The following GEN1 variants were observed in gnomAD, a reference collection of about 807,000 sequenced individuals.
GEN1 encodes the protein flap endonuclease GEN homolog 1.
Under a neutral mutation model 67.6 loss-of-function variants are expected in GEN1, and 64 were observed. The observed-to-expected ratio is 0.95, with a 90% CI of 0.77 to 1.17. GEN1 has a LOEUF of 1.17. GEN1 is among the 50% of genes most tolerant of loss of function. The probability of loss-of-function intolerance (pLI) is 0.00; values close to 1 mark genes in which losing one functional copy is unlikely to be tolerated. For missense variants in GEN1, 1,058 were observed against 1,048.3 expected (o/e 1.01, Z -0.13); for synonymous variants, 371 against 359.4 (o/e 1.03, Z -0.37).
chr2:17,777,202 A>T (rs1672472390), intron 11 of GEN1, among the ~76,000 whole-genome samples: 1 of 152,208 alleles, frequency 6.6e-6, no homozygotes, highest in African/African-American at 2.4e-5. Context: ...CAGAGGGAAG[A>T]TGTGAATTAC....
intron 13 of GEN1, 66 bp downstream of exon 13, chr2:17,780,187 TTTG>T: frequency 4.0e-6 from 5 of 1,258,704 alleles, no homozygotes; most frequent in African/African-American, 1.5e-5. Flanking sequence ...ACCTCTTCTG[TTTG>T]AATCTGCTGT....
In GEN1 at chr2:17,786,467, C is replaced by T. The variant is rs1232396984; in HGVS notation, c.*4528C>T. 1 of 152,172 alleles carries T rather than the reference C, an allele frequency of 6.6e-6. No individual in the cohort carries two copies. Among genetic ancestry groups the T allele is most frequent in the Non-Finnish European group, 1.5e-5 (1 of 68,042 alleles). The allele number at this position is 152,172 out of a possible 1,614,324, so 9.4% of individuals were successfully genotyped here. A position where few individuals can be genotyped will look rare whatever the true frequency, so the allele number is the denominator to read the frequency against. On this transcript the variant is annotated 3_prime_UTR_variant, in exon 14 of 14. Transcript: ENST00000381254. ...ATATAATGTGGTAACTAATATTCAT[C>T]TAATCACCTACCACATTTTTGGAGC... is the stretch of plus-strand genomic sequence containing the variant.
rs74754657 is a variant in GEN1 at position 17,757,246 on chromosome 2, CTT to C, written c.-15-2667_-15-2666del. ...TTCCAATAATCGAATCAGTGCTGGA[CTT>C]TTTTTTTTTTTTTTTAGGCATGGCT... On this transcript the variant is annotated intron_variant, in intron 1 of 13. Transcript: ENST00000381254. Among the ~76,000 whole-genome samples the C allele has an allele frequency of 5.0e-3, 641 of 127,666 alleles. 4 individuals are homozygous for C. The highest frequency in any genetic ancestry group is 0.016 in the African/African-American group (576 of 35,684). The allele number at this position is 127,666 out of a possible 152,430, so 83.8% of individuals were successfully genotyped here.
intron 11 of GEN1, among the ~76,000 whole-genome samples, chr2:17,777,066 C>G (rs1224675867): frequency 6.6e-6 from 1 of 152,010 alleles, no homozygotes; most frequent in African/African-American, 2.4e-5. Context: ...GCAGAGGTTA[C>G]AGTGAGCTGA....
At chr2:17,754,636 A>G (rs1671314315) in intron 1 of GEN1, 1 of 152,216 alleles carries the variant, frequency 6.6e-6, no homozygotes, top group Non-Finnish European at 1.5e-5. Flanking sequence ...CGGGCATGCG[A>G]TGGGGATAAT....
intron 12 of GEN1, 152 bp from the exon 13 acceptor site, chr2:17,779,826 T>TG (rs1378919405): frequency 1.9e-6 from 1 of 512,994 alleles, no homozygotes; most frequent in Admixed American, 3.6e-5. Flanking sequence ...GGTCTGGTGT[T>TG]GGTCAGGCTG....
At chr2:17,765,111 G>C in intron 4 of GEN1, 38 bp downstream of exon 4, 7 of 1,590,230 alleles carry the variant, frequency 4.4e-6, no homozygotes, top group Non-Finnish European at 6.0e-6. Context: ...ATTTGTTTAC[G>C]AACTACCTTT....
chr2:17,762,338 A>G (rs1671725095), intron 3 of GEN1, among the ~76,000 whole-genome samples: 1 of 150,748 alleles, frequency 6.6e-6, no homozygotes, highest in Non-Finnish European at 1.5e-5. Context: ...AGTAGCTGGG[A>G]CTACAGGCGC....
Position 17,786,211 on chromosome 2 carries a change from A to T in GEN1, c.*4272A>T, listed in dbSNP as rs1038090867. 1 of 152,224 alleles carries T rather than the reference A, an allele frequency of 6.6e-6. No individual in the cohort carries two copies. The highest frequency in any genetic ancestry group is 1.5e-5 in the Non-Finnish European group (1 of 68,038). The allele number at this position is 152,224 out of a possible 1,614,324, so 9.4% of individuals were successfully genotyped here. On this transcript the variant is annotated 3_prime_UTR_variant, in exon 14 of 14. Coordinates refer to ENST00000381254, the MANE Select transcript of GEN1 (RefSeq NM_001130009.3). ...TTGACACATTCTAGGGACTCAGTAA[A>T]TTGTAGCTGTGTCCGATACCATCAT...
At chr2:17,758,944 A>G (rs1250914416) in intron 1 of GEN1, among the ~76,000 whole-genome samples, 1 of 152,316 alleles carries the variant, frequency 6.6e-6, no homozygotes, top group East Asian at 1.9e-4. Context: ...CACAGACAGC[A>G]ACGCTTCCAG....
In GEN1 at chr2:17,778,069, T is replaced by C. The variant is rs923324567; in HGVS notation, c.1264+6T>C. 5.1e-6 allele frequency: 8 copies of C among 1,560,078 alleles called. No homozygotes were observed. Among genetic ancestry groups the C allele is most frequent in the Non-Finnish European group, 6.2e-6 (7 of 1,133,600 alleles). On this transcript the variant is annotated splice_donor_region_variant and intron_variant, in intron 12 of 13. Coordinates refer to ENST00000381254, the MANE Select transcript of GEN1 (RefSeq NM_001130009.3). ...AATAGAATGGGAAAAGCCTGGTATG[T>C]ATTCACTTTAAGCAAAATATTCCAT...
chr2:17,785,920 A>G lies in GEN1; in HGVS notation c.*3981A>G, dbSNP rs1673042203. ...AAATTAAAATTTAAATTAAAAAAAA[A>G]TATACAATCTCCGTCTTCTAGATTT... is the stretch of plus-strand genomic sequence containing the variant. On this transcript the variant is annotated 3_prime_UTR_variant, in exon 14 of 14. Transcript: ENST00000381254. The G allele has an allele frequency of 6.6e-6, 1 of 152,148 alleles. No individual in the cohort carries two copies. The highest frequency in any genetic ancestry group is 1.5e-5 in the Non-Finnish European group (1 of 68,030). The allele number at this position is 152,148 out of a possible 1,614,324, so 9.4% of individuals were successfully genotyped here. A position where few individuals can be genotyped will look rare whatever the true frequency, so the allele number is the denominator to read the frequency against.
At position 17,771,274 on chromosome 2, in the gene GEN1, A is replaced by G. The variant is rs2125143289; in HGVS notation, c.789A>G (p.Val263=). The change falls in exon 7 of 14, where the codon GTA becomes GTG. Residue 263 remains valine (V), a synonymous_variant. Transcript: ENST00000381254. ...CTAAAAAACTGGCTCATTGTTCCGT[A>G]TGTTCCCATCCAGGTAAGGAGACAT... ...LVTKKLAHCS[V]CSHPGSPKDH... 3 of 1,598,866 alleles carry G rather than the reference A, an allele frequency of 1.9e-6. No homozygotes were observed. The highest frequency in any genetic ancestry group is 2.6e-6 in the Non-Finnish European group (3 of 1,166,508).
rs763133996 is a variant in GEN1, at chr2:17,760,046, G to T, written c.103G>T (p.Val35Leu). 1.2e-6 allele frequency: 2 copies of T among 1,614,080 alleles called. No homozygotes were observed. The highest frequency in any genetic ancestry group is 8.5e-7 in the Non-Finnish European group (1 of 1,179,996). ...CATTGCAGTTGATCTGAGTCTCTGG[G>T]TGTGTGAGGCACAGACAGTCAAAAA... ...KTIAVDLSLWVCEAQTVKKMM... is the reference protein window; with the variant it reads ...KTIAVDLSLWLCEAQTVKKMM... Residue 35 changes from valine (V) to leucine (L), a missense_variant, in exon 2 of 14, where the codon GTG becomes TTG. Physicochemically the swap from Val to Leu is conservative, Grantham distance 32. Transcript: ENST00000381254.
intron 1 of GEN1, among the ~76,000 whole-genome samples, chr2:17,758,881 T>C (rs1305512743): frequency 1.3e-5 from 2 of 151,912 alleles, no homozygotes; most frequent in Non-Finnish European, 2.9e-5. Context: ...GAATAATACT[T>C]ATGGCAGCAC....
At chr2:17,768,134 T>A (rs1672015717) in intron 5 of GEN1, among the ~76,000 whole-genome samples, 1 of 152,224 alleles carries the variant, frequency 6.6e-6, no homozygotes, top group African/African-American at 2.4e-5. Flanking sequence ...ATAACAGCTC[T>A]GCTTATAAGG....
Position 17,783,049 on chromosome 2 carries a change from A to G in GEN1, c.*1110A>G, listed in dbSNP as rs1274588656. 1 of 152,060 alleles carries G rather than the reference A, an allele frequency of 6.6e-6. No individual in the cohort carries two copies. The highest frequency in any genetic ancestry group is 1.5e-5 in the Non-Finnish European group (1 of 68,000). 9.4% of individuals were successfully genotyped at this position (152,060 alleles called of 1,614,324 possible). ...AAGACCAATGTGCAATGATCATTGC[A>G]TTTTGTTTTTGTTTGTTTGTTTTTT... On this transcript the variant is annotated 3_prime_UTR_variant, in exon 14 of 14. Transcript: ENST00000381254.
At chr2:17,756,147 C>A (rs13433067) in intron 1 of GEN1, among the ~76,000 whole-genome samples, 1 of 151,910 alleles carries the variant, frequency 6.6e-6, no homozygotes, top group Non-Finnish European at 1.5e-5. Context: ...TTTTGTAGAA[C>A]GGTTAAATGT....
At chr2:17,755,485 C>T (rs545333881) in intron 1 of GEN1, 2 of 151,934 alleles carry the variant, frequency 1.3e-5, no homozygotes, top group Non-Finnish European at 2.9e-5. Context: ...TATGCCTCAA[C>T]GTTTAGGCTA....
Sources: gnomAD v4.1 joint callset for allele counts (sites outside exome capture counted in the v4.1 genomes callset) on GRCh38, gnomAD v4.1.1 for gene constraint, MANE v1.5 for transcripts, NCBI Gene and HGNC (gene_info 2026-07-23, HGNC 2026-07-21) for gene names.